Variants in OSBPL9 observed in about 807,000 individuals in gnomAD.
OSBPL9 encodes the protein oxysterol-binding protein-related protein 9.
A neutral mutation model predicts 106.6 loss-of-function variants in OSBPL9; 40 were observed. The ratio of observed to expected loss-of-function variants is 0.38; its 90% confidence interval spans 0.29 to 0.49. OSBPL9 has a LOEUF of 0.49. Among genes scored for constraint, OSBPL9 ranks in the 20% least tolerant of loss-of-function variants. The pLI, the probability that OSBPL9 is intolerant of heterozygous loss-of-function variation, is 0.97. For synonymous variants in OSBPL9, 269 were observed against 295.4 expected (o/e 0.91, Z 0.92); for missense variants, 609 against 887.2 (o/e 0.69, Z 3.98).
rs113181959 is a variant in OSBPL9 at position 51,610,244 on chromosome 1, TTTGTTG to T, written c.-352-4030_-352-4025del. On this transcript the variant is annotated intron_variant, in intron 2 of 25. Transcript: ENST00000371714. ...AGAAACTCTCAAAAAGGAACTGATATTTGTTGTTGTTGTTGTTGTTGTTGTTGTTGT... is the reference window on the plus strand; with the variant it reads ...AGAAACTCTCAAAAAGGAACTGATATTTGTTGTTGTTGTTGTTGTTGTTGT... Among the ~76,000 whole-genome samples, 1,176 of 151,006 alleles carry T rather than the reference TTTGTTG, an allele frequency of 7.8e-3. 14 individuals are homozygous for T. The highest frequency in any genetic ancestry group is 0.024 in the African/African-American group (985 of 41,064).
the OSBPL9 span, among the ~76,000 whole-genome samples, chr1:51,533,087 A>C: frequency 1.6e-4 from 24 of 152,206 alleles, no homozygotes; most frequent in Admixed American, 4.6e-4. Context: ...AATAACTGGA[A>C]GCAACCTCTA....
the OSBPL9 span, among the ~76,000 whole-genome samples, chr1:51,551,232 A>G: frequency 2.0e-5 from 3 of 152,080 alleles, no homozygotes; most frequent in Non-Finnish European, 4.4e-5. Context: ...GTTACAGTTC[A>G]CCCTTCTGGT....
chr1:51,604,363 C>G (rs569819601), intron 2 of OSBPL9, among the ~76,000 whole-genome samples: 1 of 152,108 alleles, frequency 6.6e-6, no homozygotes, highest in Admixed American at 6.5e-5. Flanking sequence ...CAAGGCCAGC[C>G]TGACCAACAT....
At chr1:51,555,640 T>A in the OSBPL9 span, among the ~76,000 whole-genome samples, 1 of 151,740 alleles carries the variant, frequency 6.6e-6, no homozygotes, top group Admixed American at 6.6e-5. Context: ...TGATCTTGGC[T>A]CACTGCAACC....
chr1:51,602,018 C>CTTGTTTTTTTTTTTTTTT (rs1645327019), intron 2 of OSBPL9, among the ~76,000 whole-genome samples: 1 of 76,406 alleles, frequency 1.3e-5, no homozygotes, highest in Non-Finnish European at 2.3e-5. Flanking sequence ...TCTTGGGGTT[C>CTTGTTTTTTTTTTTTTTT]TTTTTTTTTT....
intron 3 of OSBPL9, among the ~76,000 whole-genome samples, chr1:51,701,668 T>C (rs570013880): frequency 3.3e-5 from 5 of 152,292 alleles, no homozygotes; most frequent in Admixed American, 3.3e-4. Flanking sequence ...TTTTATACTT[T>C]TAAGTTTTAG....
intron 3 of OSBPL9, among the ~76,000 whole-genome samples, chr1:51,711,115 C>CA (rs1659707886): frequency 6.6e-6 from 1 of 151,862 alleles, no homozygotes; most frequent in African/African-American, 2.4e-5. Flanking sequence ...TCTTTCCACA[C>CA]AGACACGGCA....
intron 1 of OSBPL9, among the ~76,000 whole-genome samples, chr1:51,650,627 T>TA (rs1444413754): frequency 1.3e-5 from 2 of 152,234 alleles, no homozygotes; most frequent in African/African-American, 2.4e-5. Flanking sequence ...CATGAATTCT[T>TA]ACGGCTCAAG....
the OSBPL9 span, among the ~76,000 whole-genome samples, chr1:51,531,596 A>G: frequency 6.6e-6 from 1 of 152,242 alleles, no homozygotes; most frequent in African/African-American, 2.4e-5. Context: ...GAGTAAGACT[A>G]TGGAAGAAGC....
chr1:51,774,733 T>C (rs1191704331), intron 14 of OSBPL9, among the ~76,000 whole-genome samples: 1 of 152,190 alleles, frequency 6.6e-6, no homozygotes, highest in Non-Finnish European at 1.5e-5. Flanking sequence ...GAACCCAGGT[T>C]GAAGACAGCT....
At chr1:51,529,432 A>T in the OSBPL9 span, among the ~76,000 whole-genome samples, 7 of 152,008 alleles carry the variant, frequency 4.6e-5, no homozygotes, top group Admixed American at 1.3e-4. Context: ...TTTAGTAGAG[A>T]CAGGGTTTCA....
chr1:51,635,862 GA>G (rs1420643846), intron 1 of OSBPL9, among the ~76,000 whole-genome samples: 2 of 151,758 alleles, frequency 1.3e-5, no homozygotes, highest in African/African-American at 2.4e-5. Flanking sequence ...CTACAGCCCT[GA>G]ATTAAAAAGA....
chr1:51,590,586 C>G (rs1645269803), intron 1 of OSBPL9, among the ~76,000 whole-genome samples: 1 of 144,330 alleles, frequency 6.9e-6, no homozygotes, highest in South Asian at 2.2e-4. Flanking sequence ...CGCCATTGCA[C>G]TCCAGCCTGG....
intron 3 of OSBPL9, among the ~76,000 whole-genome samples, chr1:51,682,463 A>C (rs966211513): frequency 6.6e-6 from 1 of 152,060 alleles, no homozygotes; most frequent in Non-Finnish European, 1.5e-5. Context: ...AGATGAACAG[A>C]TAAAGAAAAT....
chr1:51,772,497 A>G, intron 13 of OSBPL9, 108 bp from the exon 14 acceptor site: 1 of 940,276 alleles, frequency 1.1e-6, no homozygotes, highest in Non-Finnish European at 1.7e-6. Flanking sequence ...GCCTGGGCGA[A>G]AGAATGAGAC....
At chr1:51,525,356 T>A in the OSBPL9 span, among the ~76,000 whole-genome samples, 1 of 152,248 alleles carries the variant, frequency 6.6e-6, no homozygotes, top group African/African-American at 2.4e-5. Flanking sequence ...CAGGTGCTGA[T>A]AATGTTGGTT....
chr1:51,617,097 T>G lies in OSBPL9; in HGVS notation c.-14T>G. ...GTGACGTCAGGCCGTTTGTTGTCAT[T>G]GGCGGCTCCCAAGATGGCGTCCATC... On this transcript the variant is annotated 5_prime_UTR_variant, in exon 1 of 24. In the 5' UTR this introduces an upstream ATG that the reference lacks. Coordinates refer to ENST00000428468, the MANE Select transcript of OSBPL9 (RefSeq NM_024586.6). 6.2e-7 allele frequency: 1 copy of G among 1,603,122 alleles called. No individual in the cohort carries two copies. Among genetic ancestry groups the G allele is most frequent in the Non-Finnish European group, 8.5e-7 (1 of 1,175,062 alleles).
At chr1:51,612,236 CTCTT>C (rs565530830), upstream of OSBPL9, among the ~76,000 whole-genome samples, 3 of 152,298 alleles carry the variant, frequency 2.0e-5, no homozygotes, top group East Asian at 3.9e-4. Context: ...TTTTAAAACT[CTCTT>C]TGTCTTCTTA....
intron 9 of OSBPL9, chr1:51,759,999 T>C (rs1671154789): frequency 6.6e-6 from 1 of 152,222 alleles, no homozygotes; most frequent in Middle Eastern, 3.2e-3. Context: ...TTACTGAATA[T>C]GTATATACTG....
Sources: gnomAD v4.1 joint callset for allele counts (sites outside exome capture counted in the v4.1 genomes callset) on GRCh38, gnomAD v4.1.1 for gene constraint, MANE v1.5 for transcripts, NCBI Gene and HGNC (gene_info 2026-07-23, HGNC 2026-07-21) for gene names.